The following PAN3 variants were observed in gnomAD, a reference collection of about 807,000 sequenced individuals.
The protein encoded by PAN3 is poly(A) specific ribonuclease subunit PAN3.
PAN3 carries 19 observed loss-of-function variants against 96.2 expected under a neutral mutation model. The ratio of observed to expected loss-of-function variants is 0.20; its 90% CI spans 0.14 to 0.29. The LOEUF (loss-of-function observed/expected upper bound fraction) is 0.29, where lower values mean the gene tolerates loss of function less well. Among genes scored for constraint, PAN3 ranks in the 10% least tolerant of loss-of-function variants. PAN3 has a pLI of 1.00. For missense variants in PAN3, 882 were observed against 1,108.1 expected (o/e 0.80, Z 2.90); for synonymous variants, 433 against 406.6 (o/e 1.06, Z -0.78).
intron 12 of PAN3, among the ~76,000 whole-genome samples, chr13:28,268,577 A>C (rs1190001016): frequency 6.6e-6 from 1 of 152,174 alleles, no homozygotes. Context: ...GAGAAAAGTA[A>C]ATCCATTTTG....
chr13:28,215,706 G>T (rs1169786105), intron 5 of PAN3: 1 of 1,489,768 alleles, frequency 6.7e-7, no homozygotes. Context: ...TGGTGATGCC[G>T]CCATTGTTGA....
chr13:28,188,117 G>A (rs925771729), intron 4 of PAN3, among the ~76,000 whole-genome samples: 2 of 152,166 alleles, frequency 1.3e-5, no homozygotes, highest in Admixed American at 6.5e-5. Flanking sequence ...GCTTAAACGA[G>A]TATATGAATT....
chr13:28,193,454 T>C (rs1877538754), intron 4 of PAN3, among the ~76,000 whole-genome samples: 1 of 152,058 alleles, frequency 6.6e-6, no homozygotes, highest in African/African-American at 2.4e-5. Flanking sequence ...TTTAAAACCA[T>C]TTTTGGGGAC....
intron 5 of PAN3, chr13:28,215,475 G>T: frequency 1.5e-6 from 1 of 688,808 alleles, no homozygotes; most frequent in East Asian, 2.5e-5. Context: ...ATGTTCGTTG[G>T]GGGAGTGTTG....
At chr13:28,169,259 CGCTCTTGTT>C (rs1215706881) in intron 1 of PAN3, among the ~76,000 whole-genome samples, 3 of 104,556 alleles carry the variant, frequency 2.9e-5, no homozygotes, top group African/African-American at 3.8e-5. Context: ...GATGGAGTCT[CGCTCTTGTT>C]GCCCAGGCTG....
At chr13:28,275,639 A>G (rs543749389) in intron 14 of PAN3, among the ~76,000 whole-genome samples, 3 of 152,258 alleles carry the variant, frequency 2.0e-5, no homozygotes, top group African/African-American at 7.2e-5. Flanking sequence ...ATAACTTGGA[A>G]TGTTTTACTT....
At chr13:28,232,724 T>G (rs1224878748) in intron 6 of PAN3, 1 of 152,164 alleles carries the variant, frequency 6.6e-6, no homozygotes, top group African/African-American at 2.4e-5. Flanking sequence ...TACATATACA[T>G]GTATTAGGAA....
intron 6 of PAN3, among the ~76,000 whole-genome samples, chr13:28,238,360 G>T (rs943074942): frequency 6.6e-6 from 1 of 152,178 alleles, no homozygotes; most frequent in Non-Finnish European, 1.5e-5. Context: ...CTTTTGAAAG[G>T]TTGGGAAAGT....
intron 1 of PAN3, among the ~76,000 whole-genome samples, chr13:28,156,614 A>G (rs1482721964): frequency 1.3e-5 from 2 of 152,172 alleles, no homozygotes; most frequent in African/African-American, 4.8e-5. Flanking sequence ...AAAAAACGAA[A>G]ACTTCAGGCC....
intron 1 of PAN3, among the ~76,000 whole-genome samples, chr13:28,163,259 T>G (rs1873111714): frequency 6.6e-6 from 1 of 152,082 alleles, no homozygotes; most frequent in Non-Finnish European, 1.5e-5. Flanking sequence ...CAGAAATACC[T>G]GAAAATGTAA....
chr13:28,140,919 ATG>A (rs774187529), intron 1 of PAN3, among the ~76,000 whole-genome samples: 220 of 151,630 alleles, frequency 1.5e-3, no homozygotes, highest in Non-Finnish European at 2.1e-3. Context: ...GTTTTGCTGG[ATG>A]TGTGAGTCGT....
intron 6 of PAN3, among the ~76,000 whole-genome samples, chr13:28,243,002 T>A (rs1260138089): frequency 6.6e-6 from 1 of 152,238 alleles, no homozygotes; most frequent in Non-Finnish European, 1.5e-5. Flanking sequence ...AGATATATGG[T>A]AAACTTTTGT....
In PAN3 at chr13:28,292,606, A is replaced by C. The variant is rs2097765706; in HGVS notation, c.*84A>C. On this transcript the variant is annotated 3_prime_UTR_variant, in exon 19 of 19. Transcript: ENST00000380958. Reference sequence around the variant, plus strand: ...CTACAGCTGAACTTTTCATCATCTCATTCACATTTGGGAAACGAACAGGAG... The same window carrying C: ...CTACAGCTGAACTTTTCATCATCTCCTTCACATTTGGGAAACGAACAGGAG... The C allele has an allele frequency of 1.5e-6, 2 of 1,366,818 alleles. No homozygotes were observed. The highest frequency in any genetic ancestry group is 2.0e-6 in the Non-Finnish European group (2 of 1,024,130). 84.7% of individuals were successfully genotyped at this position (1,366,818 alleles called of 1,614,324 possible). A position where few individuals can be genotyped will look rare whatever the true frequency, so the allele number is the denominator to read the frequency against.
At chr13:28,257,726 T>A (rs1057137150) in intron 7 of PAN3, among the ~76,000 whole-genome samples, 1 of 137,270 alleles carries the variant, frequency 7.3e-6, no homozygotes, top group South Asian at 2.3e-4. Context: ...AATTAATATA[T>A]ATTATATATA....
Position 28,293,898 on chromosome 13 carries a change from G to A in PAN3, c.*1376G>A, listed in dbSNP as rs1174294748. 6.6e-6 allele frequency: 1 copy of A among 152,596 alleles called. No homozygotes were observed. Among genetic ancestry groups the A allele is most frequent in the East Asian group, 1.9e-4 (1 of 5,184 alleles). 9.5% of individuals were successfully genotyped at this position (152,596 alleles called of 1,614,324 possible). A position where few individuals can be genotyped will look rare whatever the true frequency, so the allele number is the denominator to read the frequency against. On this transcript the variant is annotated 3_prime_UTR_variant, in exon 19 of 19. Coordinates refer to ENST00000380958, the MANE Select transcript of PAN3 (RefSeq NM_175854.8). Reference sequence around the variant, plus strand: ...TTTACTAGCACTGGGTGCTCACCATGCAACTGAAGAAAATGTGGAAACTCA... The same window carrying A: ...TTTACTAGCACTGGGTGCTCACCATACAACTGAAGAAAATGTGGAAACTCA...
chr13:28,232,429 A>C (rs1225463877), intron 6 of PAN3: 7 of 152,052 alleles, frequency 4.6e-5, no homozygotes, highest in Admixed American at 4.6e-4. Context: ...TTTAAATGGG[A>C]TATATTATAT....
intron 6 of PAN3, among the ~76,000 whole-genome samples, chr13:28,226,706 G>A (rs1235201772): frequency 1.3e-5 from 2 of 152,146 alleles, no homozygotes; most frequent in Non-Finnish European, 2.9e-5. Flanking sequence ...GAATATGCAG[G>A]TGAATAGTCA....
chr13:28,203,954 C>T (rs1879057853), intron 5 of PAN3, among the ~76,000 whole-genome samples: 1 of 151,952 alleles, frequency 6.6e-6, no homozygotes, highest in Admixed American at 6.6e-5. Context: ...AGGCACACTC[C>T]ACCACGCCCA....
intron 5 of PAN3, among the ~76,000 whole-genome samples, chr13:28,210,990 C>T (rs1879958934): frequency 1.3e-5 from 2 of 152,070 alleles, no homozygotes; most frequent in Non-Finnish European, 2.9e-5. Context: ...CTGCAGCCTT[C>T]ACCTCCTGGG....
Sources: allele counts gnomAD v4.1 joint callset (sites outside exome capture counted in the v4.1 genomes callset), GRCh38; gene constraint gnomAD v4.1.1; transcripts MANE v1.5; gene names NCBI Gene and HGNC (gene_info 2026-07-23, HGNC 2026-07-21).